The following GRIP1 variants were observed in gnomAD, a reference collection of about 807,000 sequenced individuals.
GRIP1 encodes glutamate receptor interacting protein 1, also known as glutamate receptor-interacting protein 1.
In GRIP1, 45 loss-of-function variants were observed where a neutral mutation model predicts 129.9. The observed-to-expected ratio is 0.35, with a 90% CI of 0.27 to 0.44. The LOEUF is 0.44. GRIP1 is among the 20% of genes least tolerant of loss of function. The pLI is 1.00. For synonymous variants in GRIP1, 530 were observed against 520.8 expected (o/e 1.02, Z -0.24); for missense variants, 1,196 against 1,396.8 (o/e 0.86, Z 2.29).
In GRIP1 at chr12:67,043,450, T is replaced by C. The variant is rs193252274; in HGVS notation, c.58+25600A>G. 2.9e-3 allele frequency among the ~76,000 whole-genome samples: 446 copies of C among 152,248 alleles called. 7 individuals are homozygous for C. Among genetic ancestry groups the C allele is most frequent in the Non-Finnish European group, 1.9e-3 (126 of 68,016 alleles). On this transcript the variant is annotated intron_variant, in intron 1 of 1. Transcript: ENST00000643019. ...ACAGCTCTTAACCAAAAGCAAAATATATCAATCAGCTCCTCCTAAAGATAC... is the reference window on the plus strand; with the variant it reads ...ACAGCTCTTAACCAAAAGCAAAATACATCAATCAGCTCCTCCTAAAGATAC...
intron 1 of GRIP1, among the ~76,000 whole-genome samples, chr12:66,760,180 T>C (rs2037428555): frequency 6.6e-6 from 1 of 152,088 alleles, no homozygotes; most frequent in South Asian, 2.1e-4. Flanking sequence ...ATTAAAGCCA[T>C]TCAACAAGTC....
chr12:66,944,280 T>G (rs2041631736), intron 1 of GRIP1, among the ~76,000 whole-genome samples: 2 of 152,176 alleles, frequency 1.3e-5, no homozygotes. Context: ...CTGTGACTTG[T>G]GCATGACTTG....
intron 1 of GRIP1, among the ~76,000 whole-genome samples, chr12:66,835,416 T>C (rs1229846017): frequency 6.6e-6 from 1 of 152,208 alleles, no homozygotes; most frequent in Non-Finnish European, 1.5e-5. Flanking sequence ...TCATTGCCAA[T>C]TGCCAGAACT....
intron 1 of GRIP1, among the ~76,000 whole-genome samples, chr12:67,061,422 G>T (rs181701114): frequency 2.0e-5 from 3 of 152,296 alleles, no homozygotes; most frequent in Admixed American, 2.0e-4. Context: ...TCTATACCTA[G>T]GCCAAATAGC....
chr12:66,790,998 T>C (rs2038515484), intron 1 of GRIP1, among the ~76,000 whole-genome samples: 1 of 152,150 alleles, frequency 6.6e-6, no homozygotes, highest in Admixed American at 6.6e-5. Context: ...AAATGATGAC[T>C]GGTACAGTTG....
intron 1 of GRIP1, among the ~76,000 whole-genome samples, chr12:66,985,573 G>T (rs1290532519): frequency 1.3e-5 from 2 of 151,924 alleles, no homozygotes; most frequent in African/African-American, 2.4e-5. Context: ...AACTTCCTGG[G>T]TACCAAATTT....
intron 1 of GRIP1, among the ~76,000 whole-genome samples, chr12:66,912,052 T>C (rs1019283897): frequency 6.6e-6 from 1 of 152,256 alleles, no homozygotes; most frequent in Non-Finnish European, 1.5e-5. Context: ...CCAGCATCTA[T>C]GTTTCATTAC....
At chr12:67,033,157 C>T (rs1417475168) in intron 1 of GRIP1, among the ~76,000 whole-genome samples, 3 of 151,590 alleles carry the variant, frequency 2.0e-5, no homozygotes, top group Admixed American at 1.3e-4. Flanking sequence ...TCTTTCTTGC[C>T]GCCTAATTAT....
chr12:66,681,748 T>C (rs181292325), upstream of GRIP1, among the ~76,000 whole-genome samples: 105 of 152,278 alleles, frequency 6.9e-4, 1 homozygote, highest in Non-Finnish European at 1.0e-3. Flanking sequence ...AGTGAGCTAG[T>C]TCAAGAGGTT....
At chr12:66,938,156 T>C (rs762572811) in intron 1 of GRIP1, among the ~76,000 whole-genome samples, 3 of 152,006 alleles carry the variant, frequency 2.0e-5, no homozygotes, top group Non-Finnish European at 4.4e-5. Flanking sequence ...GGCAGGCGGA[T>C]TGCAAGGTCA....
At chr12:66,887,872 A>C (rs2137218866) in intron 1 of GRIP1, among the ~76,000 whole-genome samples, 2 of 152,276 alleles carry the variant, frequency 1.3e-5, no homozygotes, top group East Asian at 3.9e-4. Context: ...TACTGTAGTT[A>C]AATATAAATT....
intron 15 of GRIP1, among the ~76,000 whole-genome samples, chr12:66,419,811 T>C (rs1004573655): frequency 1.7e-4 from 26 of 152,344 alleles, no homozygotes; most frequent in African/African-American, 6.0e-4. Flanking sequence ...AAAGTATTTC[T>C]TGGGCTGGGT....
At chr12:67,023,400 G>T (rs2042895787) in intron 1 of GRIP1, among the ~76,000 whole-genome samples, 1 of 152,130 alleles carries the variant, frequency 6.6e-6, no homozygotes, top group East Asian at 1.9e-4. Context: ...TTTCTCCACT[G>T]AATTATCTTT....
In GRIP1 at chr12:66,529,905, C is replaced by A; in HGVS notation, c.428G>T (p.Gly143Val). 1 of 1,574,302 alleles carries A rather than the reference C, an allele frequency of 6.4e-7. No homozygotes were observed. The highest frequency in any genetic ancestry group is 8.7e-7 in the Non-Finnish European group (1 of 1,143,652). Residue 143 changes from glycine (G) to valine (V), a missense_variant, in exon 5 of 25, where the codon GGA (glycine) becomes GTA (valine). Around this residue, in one of 5 missense-constraint regions of GRIP1, gnomAD observed 217 missense variants for 224.8 expected, o/e 0.97. Transcript: ENST00000359742. ...CACTGTTCGGAAAATAACACTTGAT[C>A]CTTGCACAGCTGAATAAAGGAAAGA... ...EYELPPVSVQGSSVIFRTVEV... is the reference protein window; with the variant it reads ...EYELPPVSVQVSSVIFRTVEV...
intron 1 of GRIP1, among the ~76,000 whole-genome samples, chr12:66,844,057 A>G (rs1196075492): frequency 1.3e-5 from 2 of 152,184 alleles, no homozygotes; most frequent in East Asian, 1.9e-4. Flanking sequence ...TCATGTATCT[A>G]ATAAGGGGTT....
intron 1 of GRIP1, among the ~76,000 whole-genome samples, chr12:66,912,213 G>A (rs1185139481): frequency 6.6e-6 from 1 of 151,914 alleles, no homozygotes; most frequent in Non-Finnish European, 1.5e-5. Flanking sequence ...GCTATTACTG[G>A]ATTAGGAAGC....
At chr12:67,041,141 A>ATCAATCTC (rs940350204) in intron 1 of GRIP1, among the ~76,000 whole-genome samples, 3 of 152,056 alleles carry the variant, frequency 2.0e-5, no homozygotes, top group Non-Finnish European at 4.4e-5. Flanking sequence ...CTTCCTTAAA[A>ATCAATCTC]TCAATCTCTC....
At chr12:67,068,965 C>G (rs2135917810) in intron 1 of GRIP1, 1 of 593,398 alleles carries the variant, frequency 1.7e-6, no homozygotes, top group African/African-American at 2.0e-5. Context: ...GTGGACGGGT[C>G]GGGAGGGAGC....
In GRIP1 at chr12:66,463,039, C is replaced by T. The variant is rs766437099; in HGVS notation, c.927G>A (p.Met309Ile). 3.1e-6 allele frequency: 5 copies of T among 1,613,822 alleles called. No individual in the cohort carries two copies. Among genetic ancestry groups the T allele is most frequent in the Middle Eastern group, 1.6e-4 (1 of 6,082 alleles). ...DHILSIDGTS[M>I]EYCTLAEATQ... Reference sequence around the variant, plus strand: ...TTGCTTCTGCAAGTGTACAGTACTCCATGCTGGTTCCATCGATGGAGAGGA... The same window carrying T: ...TTGCTTCTGCAAGTGTACAGTACTCTATGCTGGTTCCATCGATGGAGAGGA... The change falls in exon 9 of 25, where the codon ATG becomes ATA. Residue 309 changes from methionine to isoleucine, a missense_variant. Physicochemically the swap from Met to Ile is conservative, Grantham distance 10. Around this residue, in one of 5 missense-constraint regions of GRIP1, gnomAD observed 508 missense variants for 587.0 expected, o/e 0.87. Transcript: ENST00000359742.
Sources: allele counts gnomAD v4.1 joint callset (sites outside exome capture counted in the v4.1 genomes callset), GRCh38; gene constraint gnomAD v4.1.1; regional missense constraint gnomAD v4.1.1; transcripts MANE v1.5; gene names NCBI Gene and HGNC (gene_info 2026-07-23, HGNC 2026-07-21).